Variants in GALNTL6 observed in about 807,000 individuals in gnomAD.
The protein encoded by GALNTL6 is polypeptide N-acetylgalactosaminyltransferase like 6.
Under a neutral mutation model 73.7 loss-of-function variants are expected in GALNTL6, and 46 were observed. The ratio of observed to expected loss-of-function variants is 0.62; its 90% confidence interval spans 0.49 to 0.80. GALNTL6 has a LOEUF of 0.80. Ranked by LOEUF, GALNTL6 falls within the 30% of genes least tolerant of loss-of-function variation. The pLI, the probability that GALNTL6 is intolerant of heterozygous loss-of-function variation, is 0.00. For missense variants in GALNTL6, 604 were observed against 755.0 expected (o/e 0.80, Z 2.34); for synonymous variants, 259 against 263.7 (o/e 0.98, Z 0.17).
intron 2 of GALNTL6, among the ~76,000 whole-genome samples, chr4:171,995,117 ATAT>A (rs1052764839): frequency 9.7e-4 from 148 of 152,072 alleles, no homozygotes; most frequent in African/African-American, 3.4e-3. Flanking sequence ...AGTAAAATGC[ATAT>A]TATTATATAT....
Position 172,577,350 on chromosome 4 carries a change from TCA to T in GALNTL6, c.553+228662_553+228663del, listed in dbSNP as rs150301234. Among the ~76,000 whole-genome samples the T allele has an allele frequency of 3.2e-3, 482 of 152,326 alleles. 1 individual carries two copies. Among genetic ancestry groups the T allele is most frequent in the African/African-American group, 8.6e-3 (358 of 41,586 alleles). On this transcript the variant is annotated intron_variant, in intron 5 of 12. Transcript: ENST00000506823. ...AATCCAAATTATATGAAATTACTTATCAGTTTGTTCCCTTCGAATTTTTATCC... is the reference window on the plus strand; with the variant it reads ...AATCCAAATTATATGAAATTACTTATGTTTGTTCCCTTCGAATTTTTATCC...
chr4:172,395,493 T>C (rs1743816585), intron 5 of GALNTL6, among the ~76,000 whole-genome samples: 2 of 152,306 alleles, frequency 1.3e-5, no homozygotes, highest in South Asian at 4.1e-4. Flanking sequence ...ATCTTATTAT[T>C]GTCAACATAC....
chr4:172,994,743 C>G (rs1751699782), intron 10 of GALNTL6, among the ~76,000 whole-genome samples: 1 of 152,104 alleles, frequency 6.6e-6, no homozygotes, highest in Non-Finnish European at 1.5e-5. Flanking sequence ...CAAGAATGGG[C>G]TCAAGAGAAT....
At chr4:171,823,588 CACAT>C (rs948775996) in intron 2 of GALNTL6, among the ~76,000 whole-genome samples, 2 of 73,636 alleles carry the variant, frequency 2.7e-5, no homozygotes, top group Non-Finnish European at 7.6e-5. Flanking sequence ...TATACACACA[CACAT>C]ATATATATAT....
chr4:171,919,612 C>A (rs1184668591), intron 2 of GALNTL6, among the ~76,000 whole-genome samples: 6 of 151,948 alleles, frequency 3.9e-5, no homozygotes, highest in Non-Finnish European at 7.4e-5. Flanking sequence ...AATTCAGCAT[C>A]ATTTGCATTA....
chr4:172,349,922 A>T (rs1192189344), intron 5 of GALNTL6, among the ~76,000 whole-genome samples: 2 of 151,858 alleles, frequency 1.3e-5, no homozygotes, highest in African/African-American at 4.8e-5. Flanking sequence ...ATAGGTAGGC[A>T]TGCATTTAAT....
chr4:172,978,971 C>T (rs1021684650), intron 10 of GALNTL6, among the ~76,000 whole-genome samples: 3 of 152,108 alleles, frequency 2.0e-5, no homozygotes, highest in African/African-American at 7.2e-5. Context: ...GATAGTAGTC[C>T]CTGTATTATA....
At chr4:172,895,130 T>C (rs1184270667) in intron 8 of GALNTL6, among the ~76,000 whole-genome samples, 1 of 151,644 alleles carries the variant, frequency 6.6e-6, no homozygotes, top group Non-Finnish European at 1.5e-5. Flanking sequence ...TTAGGTCTTG[T>C]TTGTTTAATT....
At chr4:171,923,406 T>TG (rs928048387) in intron 2 of GALNTL6, among the ~76,000 whole-genome samples, 4 of 149,556 alleles carry the variant, frequency 2.7e-5, no homozygotes, top group African/African-American at 1.0e-4. Flanking sequence ...TTGTTTTTTT[T>TG]TTTTTTTTTG....
At chr4:172,336,054 C>A (rs753126588) in intron 4 of GALNTL6, among the ~76,000 whole-genome samples, 2 of 151,940 alleles carry the variant, frequency 1.3e-5, no homozygotes, top group Non-Finnish European at 2.9e-5. Flanking sequence ...TAATTTGAGA[C>A]CATTCTAACT....
rs189825199 is a variant in GALNTL6, at chr4:172,768,697, G to A, written c.554-40664G>A. On this transcript the variant is annotated intron_variant, in intron 5 of 12. Transcript: ENST00000506823. Reference sequence around the variant, plus strand: ...GTGCCTGGAACTAAGACACTGGTGGGTGTGTGACTTGTATGTTACTGAGGT... The same window carrying A: ...GTGCCTGGAACTAAGACACTGGTGGATGTGTGACTTGTATGTTACTGAGGT... Among the ~76,000 whole-genome samples, 8 of 152,314 alleles carry A rather than the reference G, an allele frequency of 5.3e-5. No homozygotes were observed. In the East Asian group the frequency reaches 1.5e-3, roughly 29 times the overall value.
At chr4:172,481,959 G>A (rs532654368) in intron 5 of GALNTL6, among the ~76,000 whole-genome samples, 55 of 152,292 alleles carry the variant, frequency 3.6e-4, no homozygotes, top group Admixed American at 2.4e-3. Flanking sequence ...GGGGAGGCTC[G>A]GGCTGCCAGG....
intron 2 of GALNTL6, among the ~76,000 whole-genome samples, chr4:171,888,832 C>A (rs560247939): frequency 9.2e-5 from 14 of 152,036 alleles, no homozygotes; most frequent in African/African-American, 2.4e-4. Flanking sequence ...GAAAAATGAC[C>A]ATGATATAAT....
intron 2 of GALNTL6, among the ~76,000 whole-genome samples, chr4:172,161,131 T>A (rs1327747990): frequency 6.6e-6 from 1 of 151,980 alleles, no homozygotes; most frequent in Admixed American, 6.6e-5. Flanking sequence ...TTCTGCTGTT[T>A]TTTTCTATTT....
At chr4:172,725,566 G>A (rs550540872) in intron 5 of GALNTL6, among the ~76,000 whole-genome samples, 1 of 152,260 alleles carries the variant, frequency 6.6e-6, no homozygotes, top group South Asian at 2.1e-4. Context: ...AGGCCAAAAC[G>A]TTGAGAGACT....
intron 5 of GALNTL6, among the ~76,000 whole-genome samples, chr4:172,533,753 C>G (rs1190065631): frequency 6.6e-6 from 1 of 152,066 alleles, no homozygotes; most frequent in Non-Finnish European, 1.5e-5. Flanking sequence ...TTTCTATTTC[C>G]TCATGGAAAT....
At chr4:172,964,487 C>A (rs1343663332) in intron 10 of GALNTL6, among the ~76,000 whole-genome samples, 2 of 152,134 alleles carry the variant, frequency 1.3e-5, no homozygotes, top group Admixed American at 1.3e-4. Flanking sequence ...TTTAAAAAAT[C>A]TTTATTTTAA....
At chr4:172,380,930 TA>T (rs1743262846) in intron 5 of GALNTL6, among the ~76,000 whole-genome samples, 1 of 152,228 alleles carries the variant, frequency 6.6e-6, no homozygotes, top group South Asian at 2.1e-4. Context: ...AATTTATTTT[TA>T]TAACAGTTAA....
chr4:172,786,937 T>C (rs1739692621), intron 5 of GALNTL6, among the ~76,000 whole-genome samples: 1 of 152,214 alleles, frequency 6.6e-6, no homozygotes, highest in East Asian at 1.9e-4. Context: ...CAGTTTGAAT[T>C]GTTCCCCTGA....
Sources: allele counts gnomAD v4.1 joint callset (sites outside exome capture counted in the v4.1 genomes callset), GRCh38; gene constraint gnomAD v4.1.1; transcripts MANE v1.5; gene names NCBI Gene and HGNC (gene_info 2026-07-23, HGNC 2026-07-21).